The following AGBL4 variants were observed in gnomAD, a reference collection of about 807,000 sequenced individuals.
AGBL4 encodes the protein AGBL carboxypeptidase 4.
A neutral mutation model predicts 66.4 loss-of-function variants in AGBL4; 58 were observed. The ratio of observed to expected loss-of-function variants is 0.87; its 90% CI spans 0.71 to 1.09. AGBL4 has a LOEUF of 1.09. Among genes scored for constraint, AGBL4 ranks in the 50% least tolerant of loss-of-function variants. The pLI is 0.00. For missense variants in AGBL4, 579 were observed against 631.0 expected (o/e 0.92, Z 0.88); for synonymous variants, 234 against 222.9 (o/e 1.05, Z -0.44).
intron 3 of AGBL4, among the ~76,000 whole-genome samples, chr1:49,627,525 C>T (rs1645487698): frequency 6.6e-6 from 1 of 152,130 alleles, no homozygotes; most frequent in Admixed American, 6.6e-5. Flanking sequence ...TGGTCACCGC[C>T]TGGGAATCTA....
chr1:49,720,070 T>TA (rs1241270710), intron 2 of AGBL4, among the ~76,000 whole-genome samples: 9 of 152,078 alleles, frequency 5.9e-5, no homozygotes, highest in Admixed American at 3.9e-4. Context: ...ATGAATATCC[T>TA]AAAAAATATA....
At chr1:49,680,964 C>T (rs555599257) in intron 3 of AGBL4, among the ~76,000 whole-genome samples, 213 of 151,848 alleles carry the variant, frequency 1.4e-3, no homozygotes, top group African/African-American at 4.9e-3. Context: ...TCTACATTAA[C>T]GTTCACTGAC....
intron 5 of AGBL4, among the ~76,000 whole-genome samples, chr1:49,021,502 AAAGACTAG>A (rs1663248484): frequency 6.6e-6 from 1 of 152,146 alleles, no homozygotes; most frequent in Admixed American, 6.5e-5. Flanking sequence ...AAGGAACCAA[AAAGACTAG>A]AGTTCTCTCT....
At chr1:49,726,609 G>C (rs1372849003) in intron 2 of AGBL4, among the ~76,000 whole-genome samples, 1 of 152,100 alleles carries the variant, frequency 6.6e-6, no homozygotes, top group South Asian at 2.1e-4. Context: ...AGGACTTTCT[G>C]AGTTGTAAGT....
chr1:48,703,618 TTAA>T (rs536661199), intron 6 of AGBL4, among the ~76,000 whole-genome samples: 1 of 152,230 alleles, frequency 6.6e-6, no homozygotes, highest in South Asian at 2.1e-4. Flanking sequence ...CCAGGCAATG[TTAA>T]TAATAATAAC....
chr1:49,342,675 G>A (rs1407805710), intron 3 of AGBL4, among the ~76,000 whole-genome samples: 1 of 152,184 alleles, frequency 6.6e-6, no homozygotes, highest in African/African-American at 2.4e-5. Flanking sequence ...TTGTCTTTTC[G>A]TGGTAGCAGT....
At chr1:48,640,517 A>C (rs1645737454) in intron 8 of AGBL4, among the ~76,000 whole-genome samples, 1 of 152,258 alleles carries the variant, frequency 6.6e-6, no homozygotes, top group Non-Finnish European at 1.5e-5. Context: ...AGCACCTACT[A>C]AATGCTAGAC....
At chr1:49,453,970 C>T (rs1486815053) in intron 3 of AGBL4, among the ~76,000 whole-genome samples, 1 of 151,818 alleles carries the variant, frequency 6.6e-6, no homozygotes, top group Non-Finnish European at 1.5e-5. Context: ...TTCCAAAATT[C>T]ATTAGTGATT....
intron 4 of AGBL4, among the ~76,000 whole-genome samples, chr1:49,234,296 C>T (rs574823425): frequency 4.7e-4 from 72 of 152,262 alleles, no homozygotes; most frequent in Admixed American, 2.7e-3. Context: ...AAATCTGACA[C>T]AGCATTGCAC....
chr1:48,748,487 A>G (rs1651121891), intron 6 of AGBL4, among the ~76,000 whole-genome samples: 1 of 152,168 alleles, frequency 6.6e-6, no homozygotes, highest in South Asian at 2.1e-4. Flanking sequence ...GCATTAGGAG[A>G]AAAACTGGGG....
At chr1:48,723,805 G>C in intron 6 of AGBL4, among the ~76,000 whole-genome samples, 1 of 152,140 alleles carries the variant, frequency 6.6e-6, no homozygotes, top group East Asian at 1.9e-4. Flanking sequence ...CATTCCTTTT[G>C]ACCCAGGTAC....
At chr1:49,927,857 C>T (rs1557587995) in intron 1 of AGBL4, among the ~76,000 whole-genome samples, 1 of 151,920 alleles carries the variant, frequency 6.6e-6, no homozygotes, top group Non-Finnish European at 1.5e-5. Flanking sequence ...GAAAATGCTG[C>T]CAATAATTAA....
chr1:49,016,203 CA>C (rs374808786), intron 5 of AGBL4, among the ~76,000 whole-genome samples: 7 of 152,274 alleles, frequency 4.6e-5, no homozygotes, highest in African/African-American at 7.2e-5. Context: ...CTGGAGTCAT[CA>C]GGGGCATGCC....
At chr1:48,998,634 C>T (rs1039263031) in intron 5 of AGBL4, among the ~76,000 whole-genome samples, 1 of 152,116 alleles carries the variant, frequency 6.6e-6, no homozygotes, top group African/African-American at 2.4e-5. Context: ...CCCAAGGGGG[C>T]CTAAATTTGT....
At chr1:49,997,788 A>G (rs1362956508) in intron 1 of AGBL4, among the ~76,000 whole-genome samples, 1 of 152,226 alleles carries the variant, frequency 6.6e-6, no homozygotes, top group Admixed American at 6.5e-5. Context: ...ATTATCCAAG[A>G]TAGACCATAT....
At chr1:49,516,099 G>T (rs966760463) in intron 3 of AGBL4, among the ~76,000 whole-genome samples, 1 of 151,404 alleles carries the variant, frequency 6.6e-6, no homozygotes, top group African/African-American at 2.4e-5. Flanking sequence ...TGGCCCAATG[G>T]AGGGGGTACT....
chr1:49,279,942 A>G (rs1411354663), intron 3 of AGBL4, among the ~76,000 whole-genome samples: 3 of 152,226 alleles, frequency 2.0e-5, no homozygotes, highest in Non-Finnish European at 4.4e-5. Context: ...ATGCTGCTAA[A>G]GCATAACTAT....
At chr1:48,865,511 G>C (rs957672000) in intron 6 of AGBL4, among the ~76,000 whole-genome samples, 2 of 152,100 alleles carry the variant, frequency 1.3e-5, no homozygotes, top group African/African-American at 4.8e-5. Context: ...TCACATCTAA[G>C]AGGAGGGATA....
intron 5 of AGBL4, among the ~76,000 whole-genome samples, chr1:48,890,658 G>A (rs983872562): frequency 6.6e-6 from 1 of 152,162 alleles, no homozygotes; most frequent in African/African-American, 2.4e-5. Flanking sequence ...GAGCCAGGAA[G>A]AATGGATTTT....
Sources: allele counts gnomAD v4.1 joint callset (sites outside exome capture counted in the v4.1 genomes callset), GRCh38; gene constraint gnomAD v4.1.1; transcripts MANE v1.5; gene names NCBI Gene and HGNC (gene_info 2026-07-23, HGNC 2026-07-21).